The following GALNT14 variants were observed in gnomAD, a reference collection of about 807,000 sequenced individuals.
GALNT14 encodes the protein polypeptide N-acetylgalactosaminyltransferase 14.
Under a neutral mutation model 77.5 loss-of-function variants are expected in GALNT14, and 60 were observed. The observed-to-expected ratio is 0.77, with a 90% CI of 0.63 to 0.96. GALNT14 has a LOEUF of 0.96. Among genes scored for constraint, GALNT14 ranks in the 40% least tolerant of loss-of-function variants. The pLI, the probability that GALNT14 is intolerant of heterozygous loss-of-function variation, is 0.00. For missense variants in GALNT14, 710 were observed against 731.0 expected (o/e 0.97, Z 0.33); for synonymous variants, 280 against 281.7 (o/e 0.99, Z 0.06).
chr2:31,116,515 C>T (rs1234650465), intron 1 of GALNT14, among the ~76,000 whole-genome samples: 7 of 151,986 alleles, frequency 4.6e-5, no homozygotes, highest in Non-Finnish European at 1.0e-4. Flanking sequence ...AATGTTAAGG[C>T]ACAATTTATT....
intron 6 of GALNT14, among the ~76,000 whole-genome samples, chr2:30,947,093 C>T (rs1666743176): frequency 1.3e-5 from 2 of 152,334 alleles, no homozygotes; most frequent in South Asian, 2.1e-4. Context: ...TCCAAAACTG[C>T]TCTTTGAGTT....
chr2:30,957,767 T>A lies in GALNT14; in HGVS notation c.466+630A>T, dbSNP rs566972614. 5.3e-5 allele frequency among the ~76,000 whole-genome samples: 8 copies of A among 152,286 alleles called. No homozygotes were observed. In the South Asian group the frequency reaches 1.7e-3, roughly 32 times the overall value. On this transcript the variant is annotated intron_variant, in intron 4 of 14. Coordinates refer to ENST00000349752, the MANE Select transcript of GALNT14 (RefSeq NM_024572.4). Reference sequence around the variant, plus strand: ...CAGTGGTCATTCCATTTCCCTCAGTTCGTCACCAGGAAGAGGGTGTTCTGC... The same window carrying A: ...CAGTGGTCATTCCATTTCCCTCAGTACGTCACCAGGAAGAGGGTGTTCTGC...
intron 11 of GALNT14, among the ~76,000 whole-genome samples, chr2:30,925,433 A>C (rs570010938): frequency 6.6e-6 from 1 of 152,352 alleles, no homozygotes; most frequent in South Asian, 2.1e-4. Context: ...CTATGGGAAC[A>C]ACTCAGAGGG....
chr2:30,966,361 G>A (rs1238160180), intron 2 of GALNT14, 59 bp from the exon 3 acceptor site: 1 of 1,316,706 alleles, frequency 7.6e-7, no homozygotes, highest in Non-Finnish European at 1.1e-6. Flanking sequence ...TATCTGGAGG[G>A]CTAGAACCGA....
intron 2 of GALNT14, among the ~76,000 whole-genome samples, chr2:30,989,704 A>AAT (rs1447720509): frequency 8.7e-6 from 1 of 115,232 alleles, no homozygotes; most frequent in East Asian, 2.5e-4. Context: ...TATATATATA[A>AAT]ATATATATAT....
chr2:31,008,757 G>A (rs1239721464), intron 1 of GALNT14, among the ~76,000 whole-genome samples: 1 of 152,200 alleles, frequency 6.6e-6, no homozygotes, highest in East Asian at 1.9e-4. Flanking sequence ...TGTTTATACG[G>A]ATTTCTTCAA....
chr2:31,120,386 T>C (rs1410336090), intron 1 of GALNT14, among the ~76,000 whole-genome samples: 2 of 152,172 alleles, frequency 1.3e-5, no homozygotes, highest in African/African-American at 4.8e-5. Context: ...TTATGTTGCT[T>C]ATCTCAAAGG....
In GALNT14 at chr2:31,023,175, AAAC is replaced by A. The variant is rs1463626652; in HGVS notation, c.130-30171_130-30169del. 4.7e-3 allele frequency among the ~76,000 whole-genome samples: 294 copies of A among 62,000 alleles called. 5 individuals are homozygous for A. Among genetic ancestry groups the A allele is most frequent in the African/African-American group, 0.011 (258 of 23,082 alleles). 40.7% of individuals were successfully genotyped at this position (62,000 alleles called of 152,430 possible). On this transcript the variant is annotated intron_variant, in intron 1 of 14. Transcript: ENST00000349752. Reference sequence around the variant, plus strand: ...AAAACAAAAACAAAAACAAAAACAAAAACAAAACAAGGTATGTTTGAAGGCTCA... The same window carrying A: ...AAAACAAAAACAAAAACAAAAACAAAAAAACAAGGTATGTTTGAAGGCTCA...
chr2:31,133,883 G>A (rs1334609670), intron 1 of GALNT14, among the ~76,000 whole-genome samples: 2 of 152,122 alleles, frequency 1.3e-5, no homozygotes, highest in Admixed American at 6.6e-5. Context: ...TGAAATTAAC[G>A]TTAAAAAGTC....
chr2:31,003,257 T>C (rs1315281746), intron 1 of GALNT14, among the ~76,000 whole-genome samples: 1 of 152,190 alleles, frequency 6.6e-6, no homozygotes, highest in Non-Finnish European at 1.5e-5. Context: ...TGAAAGGCAC[T>C]CCTTAAATAG....
At chr2:30,996,784 G>C (rs746670501) in intron 1 of GALNT14, among the ~76,000 whole-genome samples, 5 of 152,214 alleles carry the variant, frequency 3.3e-5, no homozygotes, top group Non-Finnish European at 4.4e-5. Flanking sequence ...GTCATGGAAG[G>C]TGTCCTCGGA....
intron 1 of GALNT14, among the ~76,000 whole-genome samples, chr2:31,025,808 A>G (rs978362563): frequency 6.6e-6 from 1 of 152,180 alleles, no homozygotes; most frequent in Middle Eastern, 3.2e-3. Flanking sequence ...AAAATCTGCA[A>G]ATCAAGCCAA....
intron 2 of GALNT14, among the ~76,000 whole-genome samples, chr2:30,982,229 G>T (rs1669032715): frequency 6.6e-6 from 1 of 152,190 alleles, no homozygotes; most frequent in Admixed American, 6.5e-5. Flanking sequence ...AATAGCAAGT[G>T]ATTGATAATG....
chr2:30,993,130 G>A, intron 1 of GALNT14, 123 bp from the exon 2 acceptor site: 1 of 951,904 alleles, frequency 1.1e-6, no homozygotes. Flanking sequence ...TCAAAGATGG[G>A]GTCAGAAGCA....
At chr2:31,038,643 T>C (rs1052659302) in intron 1 of GALNT14, among the ~76,000 whole-genome samples, 1 of 152,130 alleles carries the variant, frequency 6.6e-6, no homozygotes, top group Non-Finnish European at 1.5e-5. Context: ...GCTATTGTTG[T>C]GAGGCTGTTG....
At chr2:31,126,407 C>T (rs940650030) in intron 1 of GALNT14, among the ~76,000 whole-genome samples, 7 of 152,038 alleles carry the variant, frequency 4.6e-5, no homozygotes, top group Non-Finnish European at 2.9e-5. Context: ...AATCTAGATC[C>T]CTGGCTTACT....
Position 30,945,811 on chromosome 2 carries a change from G to A in GALNT14, c.714C>T (p.Tyr238=). The A allele has an allele frequency of 6.2e-7, 1 of 1,614,186 alleles. No individual in the cohort carries two copies. Among genetic ancestry groups the A allele is most frequent in the Non-Finnish European group, 8.5e-7 (1 of 1,180,014 alleles). ...IDIINLDTFT[Y]IESASELRGG... ...CTCTGAGCTCCGAGGCAGACTCGAT[G>A]TAGGTGAAGGTGTCCAGGTTAATGA... The change falls in exon 7 of 15, where the codon TAC becomes TAT. Residue 238 remains tyrosine, a synonymous_variant. Coordinates refer to ENST00000349752, the MANE Select transcript of GALNT14 (RefSeq NM_024572.4).
chr2:30,993,549 C>T (rs555715667), intron 1 of GALNT14, among the ~76,000 whole-genome samples: 5 of 152,310 alleles, frequency 3.3e-5, no homozygotes, highest in Admixed American at 3.3e-4. Flanking sequence ...GGAGGAGTTC[C>T]GTCTACAGTG....
At chr2:31,004,231 G>C (rs1186664695) in intron 1 of GALNT14, among the ~76,000 whole-genome samples, 1 of 152,186 alleles carries the variant, frequency 6.6e-6, no homozygotes, top group Admixed American at 6.5e-5. Flanking sequence ...GGGAGCAGGT[G>C]ATCTAGGAGG....
Sources: gnomAD v4.1 joint callset for allele counts (sites outside exome capture counted in the v4.1 genomes callset) on GRCh38, gnomAD v4.1.1 for gene constraint, MANE v1.5 for transcripts, NCBI Gene and HGNC (gene_info 2026-07-23, HGNC 2026-07-21) for gene names.